The following STXBP6 variants were observed in gnomAD, a reference collection of about 807,000 sequenced individuals.
The protein encoded by STXBP6 is syntaxin binding protein 6.
Under a neutral mutation model 26.9 loss-of-function variants are expected in STXBP6, and 21 were observed. The ratio of observed to expected loss-of-function variants is 0.78; its 90% CI spans 0.55 to 1.12. STXBP6 has a LOEUF of 1.12. STXBP6 is among the 50% of genes most tolerant of loss of function. The pLI is 0.00. For synonymous variants in STXBP6, 97 were observed against 92.6 expected (o/e 1.05, Z -0.27); for missense variants, 232 against 257.9 (o/e 0.90, Z 0.69).
At chr14:24,826,777 T>A (rs2068298590) in intron 4 of STXBP6, among the ~76,000 whole-genome samples, 1 of 152,202 alleles carries the variant, frequency 6.6e-6, no homozygotes, top group Non-Finnish European at 1.5e-5. Context: ...CCTTCCTGAT[T>A]AGAGATACAA....
intron 2 of STXBP6, among the ~76,000 whole-genome samples, chr14:24,864,558 A>G (rs995980606): frequency 6.6e-6 from 1 of 152,158 alleles, no homozygotes; most frequent in African/African-American, 2.4e-5. Flanking sequence ...ATTAGGTCTA[A>G]AAGAACCATG....
chr14:24,912,730 A>T lies in STXBP6; in HGVS notation c.155-55573T>A, dbSNP rs145588090. On this transcript the variant is annotated intron_variant, in intron 2 of 5. Transcript: ENST00000323944. Reference sequence around the variant, plus strand: ...ACCATGCTATCTGGTGCTGTTCTGCAATAAGAAAAAAATTGCTATAAGGTA... The same window carrying T: ...ACCATGCTATCTGGTGCTGTTCTGCTATAAGAAAAAAATTGCTATAAGGTA... Among the ~76,000 whole-genome samples, 153 of 152,292 alleles carry T rather than the reference A, an allele frequency of 1.0e-3. 2 individuals carry two copies. In the East Asian group the frequency reaches 0.018, roughly 18 times the overall value.
intron 2 of STXBP6, among the ~76,000 whole-genome samples, chr14:24,950,304 T>C (rs183464483): frequency 2.0e-5 from 3 of 152,282 alleles, no homozygotes; most frequent in African/African-American, 7.2e-5. Flanking sequence ...AGGTACATAC[T>C]CTTCAACTTA....
In STXBP6 at chr14:24,873,614, T is replaced by C. The variant is rs146536014; in HGVS notation, c.155-16457A>G. Among the ~76,000 whole-genome samples the C allele has an allele frequency of 1.1e-3, 163 of 152,304 alleles. 1 individual carries two copies. Among genetic ancestry groups the C allele is most frequent in the African/African-American group, 3.6e-3 (151 of 41,572 alleles). On this transcript the variant is annotated intron_variant, in intron 2 of 5. Coordinates refer to ENST00000323944, the MANE Select transcript of STXBP6 (RefSeq NM_001394410.1). ...GACTTCCATCTCTGGACTCAAGCCA[T>C]TGTGGTGTCCCCATAGAAGGAAGTA...
chr14:24,954,762 C>G (rs948636242), intron 2 of STXBP6, among the ~76,000 whole-genome samples: 2 of 152,170 alleles, frequency 1.3e-5, no homozygotes, highest in African/African-American at 4.8e-5. Context: ...TAGCAACAGT[C>G]CCCCCTTGGC....
intron 2 of STXBP6, among the ~76,000 whole-genome samples, chr14:24,885,358 G>C (rs1293006210): frequency 1.3e-5 from 2 of 152,168 alleles, no homozygotes; most frequent in African/African-American, 4.8e-5. Context: ...CTAAGAAGAA[G>C]GTCTATTTTC....
chr14:24,935,818 T>C (rs2072574795), intron 2 of STXBP6, among the ~76,000 whole-genome samples: 1 of 152,164 alleles, frequency 6.6e-6, no homozygotes, highest in Non-Finnish European at 1.5e-5. Context: ...TCTTCTCAGA[T>C]GTAGCACTGC....
intron 1 of STXBP6, among the ~76,000 whole-genome samples, chr14:25,028,958 A>C (rs1193399268): frequency 6.6e-6 from 1 of 152,174 alleles, no homozygotes; most frequent in East Asian, 1.9e-4. Context: ...GTTTAGCCTG[A>C]AGATGTGACT....
chr14:24,977,578 C>A (rs1162765375), intron 1 of STXBP6, among the ~76,000 whole-genome samples: 1 of 152,072 alleles, frequency 6.6e-6, no homozygotes. Context: ...AGTTTATTAA[C>A]TACAACATAG....
intron 2 of STXBP6, among the ~76,000 whole-genome samples, chr14:24,882,710 T>C (rs1244807751): frequency 6.6e-6 from 1 of 152,184 alleles, no homozygotes. Context: ...CATAAATAAA[T>C]TACTAAATTC....
At chr14:24,974,033 A>T (rs993451709) in intron 2 of STXBP6, among the ~76,000 whole-genome samples, 1 of 152,174 alleles carries the variant, frequency 6.6e-6, no homozygotes, top group African/African-American at 2.4e-5. Context: ...TCCAGATTTT[A>T]TCTCAAAAAT....
At chr14:24,991,988 G>A (rs181033214) in intron 1 of STXBP6, among the ~76,000 whole-genome samples, 4 of 152,264 alleles carry the variant, frequency 2.6e-5, no homozygotes, top group East Asian at 1.9e-4. Context: ...GCTGGGCTAC[G>A]TGCCACTCTT....
At chr14:25,008,602 G>C (rs1407733489) in intron 1 of STXBP6, among the ~76,000 whole-genome samples, 1 of 152,134 alleles carries the variant, frequency 6.6e-6, no homozygotes, top group Non-Finnish European at 1.5e-5. Context: ...TAAAATTCAT[G>C]TTTTATTTAA....
chr14:24,838,174 C>A (rs1457573265), intron 4 of STXBP6, among the ~76,000 whole-genome samples: 1 of 152,200 alleles, frequency 6.6e-6, no homozygotes, highest in African/African-American at 2.4e-5. Context: ...CTACTCCTGG[C>A]TAATTTTTGT....
chr14:24,812,450 C>T lies in STXBP6; in HGVS notation c.*259G>A. The T allele has an allele frequency of 2.0e-6, 1 of 508,744 alleles. No individual in the cohort carries two copies. Among genetic ancestry groups the T allele is most frequent in the Non-Finnish European group, 3.5e-6 (1 of 283,590 alleles). 31.5% of individuals were successfully genotyped at this position (508,744 alleles called of 1,614,324 possible). ...AACATATTCAAAACATACATATACA[C>T]ACATACACACAGTGGGAGGAGGCAA... is the stretch of plus-strand genomic sequence containing the variant. On this transcript the variant is annotated 3_prime_UTR_variant, in exon 6 of 6. Coordinates refer to ENST00000323944, the MANE Select transcript of STXBP6 (RefSeq NM_001394410.1).
At chr14:24,899,388 G>A (rs1260319167) in intron 2 of STXBP6, among the ~76,000 whole-genome samples, 2 of 152,130 alleles carry the variant, frequency 1.3e-5, no homozygotes. Flanking sequence ...TCCATGCCAG[G>A]AGAAATTAGG....
intron 2 of STXBP6, among the ~76,000 whole-genome samples, chr14:24,919,436 A>G (rs2071896192): frequency 6.7e-6 from 1 of 148,686 alleles, no homozygotes; most frequent in African/African-American, 2.5e-5. Flanking sequence ...ATAAATGCGA[A>G]AAATAAAAAA....
intron 4 of STXBP6, among the ~76,000 whole-genome samples, chr14:24,820,511 A>G (rs1006662916): frequency 6.6e-6 from 1 of 152,202 alleles, no homozygotes; most frequent in African/African-American, 2.4e-5. Flanking sequence ...AACCAAGATA[A>G]ATCAGCACAG....
At chr14:24,852,277 G>A (rs969105099) in intron 4 of STXBP6, among the ~76,000 whole-genome samples, 11 of 152,118 alleles carry the variant, frequency 7.2e-5, no homozygotes, top group Admixed American at 2.6e-4. Flanking sequence ...AACTAATCAG[G>A]TCATTGTGAC....
Sources: gnomAD v4.1 joint callset for allele counts (sites outside exome capture counted in the v4.1 genomes callset) on GRCh38, gnomAD v4.1.1 for gene constraint, MANE v1.5 for transcripts, NCBI Gene and HGNC (gene_info 2026-07-23, HGNC 2026-07-21) for gene names.